PANK1: variants seen among roughly 807,000 people sequenced by gnomAD.
PANK1 encodes the protein pantothenic acid kinase 1.
A neutral mutation model predicts 40.1 loss-of-function variants in PANK1; 18 were observed. The observed-to-expected ratio is 0.45, with a 90% CI of 0.31 to 0.67. PANK1 has a LOEUF of 0.67. Among genes scored for constraint, PANK1 ranks in the 30% least tolerant of loss-of-function variants. PANK1 has a pLI of 0.06. For synonymous variants in PANK1, 242 were observed against 237.7 expected (o/e 1.02, Z -0.17); for missense variants, 457 against 599.6 (o/e 0.76, Z 2.48).
At chr10:89,634,092 T>C (rs1841732257) in intron 1 of PANK1, among the ~76,000 whole-genome samples, 1 of 152,182 alleles carries the variant, frequency 6.6e-6, no homozygotes, top group Admixed American at 6.5e-5. Flanking sequence ...GGGTAGAAGT[T>C]ATAGGGAGAC....
At chr10:89,592,583 A>G (rs921313362) in intron 5 of PANK1, among the ~76,000 whole-genome samples, 1 of 152,138 alleles carries the variant, frequency 6.6e-6, no homozygotes, top group Non-Finnish European at 1.5e-5. Flanking sequence ...AATATACCTC[A>G]GTGTGAAGAG....
chr10:89,613,522 T>C (rs752830737), intron 1 of PANK1, among the ~76,000 whole-genome samples: 1 of 152,222 alleles, frequency 6.6e-6, no homozygotes, highest in Non-Finnish European at 1.5e-5. Context: ...ATTGTTATTT[T>C]GGTTATGACC....
intron 1 of PANK1, among the ~76,000 whole-genome samples, chr10:89,612,995 C>T (rs1286190498): frequency 6.6e-6 from 1 of 152,150 alleles, no homozygotes; most frequent in Non-Finnish European, 1.5e-5. Flanking sequence ...ACTTAATGTG[C>T]TTGTGATGCT....
chr10:89,630,348 C>T (rs573682633), intron 1 of PANK1, among the ~76,000 whole-genome samples: 7 of 152,256 alleles, frequency 4.6e-5, no homozygotes, highest in East Asian at 3.9e-4. Flanking sequence ...ATGTGTCAGG[C>T]GCTGTGCTAG....
At chr10:89,616,384 T>A (rs1034881141) in intron 1 of PANK1, among the ~76,000 whole-genome samples, 3 of 152,210 alleles carry the variant, frequency 2.0e-5, no homozygotes, top group African/African-American at 4.8e-5. Flanking sequence ...ACAAACTAGA[T>A]GTTCATCCAT....
At chr10:89,601,563 A>T (rs1034899560) in intron 2 of PANK1, among the ~76,000 whole-genome samples, 2 of 152,128 alleles carry the variant, frequency 1.3e-5, no homozygotes, top group African/African-American at 4.8e-5. Context: ...AACATTTTTG[A>T]CTTCACATTA....
At chr10:89,626,050 T>A (rs1845651239) in intron 1 of PANK1, 3 of 152,200 alleles carry the variant, frequency 2.0e-5, no homozygotes, top group African/African-American at 7.2e-5. Context: ...GAGCTCACCT[T>A]CTCCCCTTCA....
In PANK1 at chr10:89,599,465, C is replaced by G. The variant is rs1170133449; in HGVS notation, c.686G>C (p.Cys229Ser). 6.2e-7 allele frequency: 1 copy of G among 1,613,698 alleles called. No individual in the cohort carries two copies. Among genetic ancestry groups the G allele is most frequent in the Non-Finnish European group, 8.5e-7 (1 of 1,179,734 alleles). ...GACATAAAGCAGGCCCTGAATCAGA[C>G]AGTCCAGTTCATCCAGTTTATGCAG... The part of the protein sequence containing the change: ...LQLHKLDELD[C>S]LIQGLLYVDS... The change falls in exon 3 of 7, where the codon TGT (cysteine) becomes TCT (serine). Residue 229 changes from cysteine to serine, a missense_variant. By Grantham distance (112) the Cys-to-Ser change is moderately radical. Around this residue, in one of 4 missense-constraint regions of PANK1, gnomAD observed 286 missense variants for 415.8 expected, o/e 0.69. Transcript: ENST00000307534.
intron 2 of PANK1, among the ~76,000 whole-genome samples, chr10:89,605,284 C>G (rs1844927671): frequency 6.6e-6 from 1 of 152,134 alleles, no homozygotes; most frequent in African/African-American, 2.4e-5. Flanking sequence ...TTGGTTGACT[C>G]TTCTTTTCAC....
At chr10:89,625,413 G>A (rs943131) in intron 1 of PANK1, among the ~76,000 whole-genome samples, 120,838 of 152,184 alleles carry the variant, frequency 0.79, 48,635 homozygotes, top group African/African-American at 0.92. Flanking sequence ...AATTTTAAAT[G>A]CAGCTTTTGA....
chr10:89,589,928 TC>T (rs1214080354), intron 5 of PANK1, among the ~76,000 whole-genome samples: 3 of 151,374 alleles, frequency 2.0e-5, no homozygotes, highest in Non-Finnish European at 4.4e-5. Context: ...CAAAGCCCAG[TC>T]CTGCATTACC....
At chr10:89,638,686 A>G (rs1353779689) in intron 1 of PANK1, among the ~76,000 whole-genome samples, 1 of 152,144 alleles carries the variant, frequency 6.6e-6, no homozygotes, top group Non-Finnish European at 1.5e-5. Flanking sequence ...GTGTAGACAC[A>G]ATTCAACCAA....
At chr10:89,607,718 T>C (rs1203135474) in intron 2 of PANK1, among the ~76,000 whole-genome samples, 3 of 152,202 alleles carry the variant, frequency 2.0e-5, no homozygotes, top group East Asian at 1.9e-4. Flanking sequence ...GGAAGTGTGG[T>C]TGGGAATAAA....
chr10:89,620,145 G>C (rs769556978), intron 1 of PANK1, among the ~76,000 whole-genome samples: 1 of 152,112 alleles, frequency 6.6e-6, no homozygotes, highest in Admixed American at 6.5e-5. Context: ...TGTTGATTGC[G>C]TTAACTGCAC....
rs1844097569 is a variant in PANK1 at position 89,583,463 on chromosome 10, A to G, written c.*943T>C. The G allele has an allele frequency of 6.6e-6, 1 of 152,204 alleles. No individual in the cohort carries two copies. The highest frequency in any genetic ancestry group is 2.1e-4 in the South Asian group (1 of 4,836). The allele number at this position is 152,204 out of a possible 1,614,324, so 9.4% of individuals were successfully genotyped here. Reference sequence around the variant, plus strand: ...CATGACTTACCCTAAATCTCCTGATATGAACAATTAATCTACTGGGAGGCT... The same window carrying G: ...CATGACTTACCCTAAATCTCCTGATGTGAACAATTAATCTACTGGGAGGCT... On this transcript the variant is annotated 3_prime_UTR_variant, in exon 7 of 7. Transcript: ENST00000307534.
chr10:89,631,987 T>TTTA (rs1491345124), intron 1 of PANK1, among the ~76,000 whole-genome samples: 1 of 150,702 alleles, frequency 6.6e-6, no homozygotes, highest in African/African-American at 2.4e-5. Context: ...TTTTTTTTTT[T>TTTA]AAAAAGGGTT....
At chr10:89,591,356 T>C (rs1844382074) in intron 5 of PANK1, among the ~76,000 whole-genome samples, 2 of 152,194 alleles carry the variant, frequency 1.3e-5, no homozygotes, top group Non-Finnish European at 2.9e-5. Flanking sequence ...TAGAAGTCTG[T>C]ATTATGTGTT....
intron 2 of PANK1, among the ~76,000 whole-genome samples, chr10:89,607,444 T>G (rs541468679): frequency 6.6e-6 from 1 of 152,112 alleles, no homozygotes; most frequent in Non-Finnish European, 1.5e-5. Context: ...ACAGATACAA[T>G]AATAATTAAA....
chr10:89,614,758 C>A (rs1845268233), intron 1 of PANK1, among the ~76,000 whole-genome samples: 1 of 152,026 alleles, frequency 6.6e-6, no homozygotes, highest in Non-Finnish European at 1.5e-5. Flanking sequence ...GATTGCACCA[C>A]TGCACTCCAG....
Sources: gnomAD v4.1 joint callset for allele counts (sites outside exome capture counted in the v4.1 genomes callset) on GRCh38, gnomAD v4.1.1 for gene constraint, gnomAD v4.1.1 regional missense constraint, MANE v1.5 for transcripts, NCBI Gene and HGNC (gene_info 2026-07-23, HGNC 2026-07-21) for gene names.